The following UBR2 variants were observed in gnomAD, a reference collection of about 807,000 sequenced individuals.
UBR2 encodes E3 ubiquitin-protein ligase UBR2.
In UBR2, 92 loss-of-function variants were observed where a neutral mutation model predicts 247.9. The observed-to-expected ratio is 0.37, with a 90% CI of 0.31 to 0.44. The LOEUF is 0.44. Among genes scored for constraint, UBR2 ranks in the 20% least tolerant of loss-of-function variants. UBR2 has a pLI of 1.00. For synonymous variants in UBR2, 672 were observed against 693.5 expected (o/e 0.97, Z 0.49); for missense variants, 1,613 against 2,112.6 (o/e 0.76, Z 4.64).
chr6:42,656,945 A>G (rs894740026), intron 26 of UBR2, among the ~76,000 whole-genome samples: 3 of 152,106 alleles, frequency 2.0e-5, no homozygotes, highest in African/African-American at 7.2e-5. Flanking sequence ...ATAAAATATT[A>G]GGTTCTTGGC....
At chr6:42,593,174 A>T (rs542479091) in intron 3 of UBR2, among the ~76,000 whole-genome samples, 6 of 152,260 alleles carry the variant, frequency 3.9e-5, no homozygotes, top group Non-Finnish European at 5.9e-5. Flanking sequence ...ACTCCATCCC[A>T]AAATAAAAAA....
At chr6:42,633,339 A>G (rs1009809251) in intron 13 of UBR2, among the ~76,000 whole-genome samples, 2 of 152,130 alleles carry the variant, frequency 1.3e-5, no homozygotes, top group African/African-American at 4.8e-5. Context: ...AGGAGATCCC[A>G]GCAAACATTC....
Position 42,615,997 on chromosome 6 carries a change from A to T in UBR2, c.1094-5A>T. ...TTATCTTATACCGTGATCTTTTTCT[A>T]CAAGGTGCTAGGAGTGTATATCATC... On this transcript the variant is annotated splice_region_variant and splice_polypyrimidine_tract_variant and intron_variant, in intron 9 of 46. Transcript: ENST00000372901. The T allele has an allele frequency of 6.4e-7, 1 of 1,572,012 alleles. No individual in the cohort carries two copies. Among genetic ancestry groups the T allele is most frequent in the Non-Finnish European group, 8.6e-7 (1 of 1,164,032 alleles).
At chr6:42,650,945 T>G (rs1420379638) in intron 23 of UBR2, among the ~76,000 whole-genome samples, 1 of 152,114 alleles carries the variant, frequency 6.6e-6, no homozygotes, top group African/African-American at 2.4e-5. Flanking sequence ...AATTAAATTT[T>G]GCCTTTTTGG....
At chr6:42,684,970 A>G in intron 44 of UBR2, 99 bp downstream of exon 44, 1 of 1,017,796 alleles carries the variant, frequency 9.8e-7, no homozygotes, top group Non-Finnish European at 1.5e-6. Flanking sequence ...TTGGGTAGAG[A>G]AATCATATCT....
chr6:42,676,975 T>C, intron 40 of UBR2, 102 bp downstream of exon 40: 1 of 944,522 alleles, frequency 1.1e-6, no homozygotes. Flanking sequence ...TTGTTGTCTG[T>C]TGACATGTTT....
intron 44 of UBR2, 131 bp downstream of exon 44, chr6:42,685,002 G>A: frequency 1.4e-6 from 1 of 705,416 alleles, no homozygotes; most frequent in Non-Finnish European, 2.2e-6. Context: ...TGAGAGGAGA[G>A]GGAGAAAAAA....
Position 42,644,196 on chromosome 6 carries a change from A to T in UBR2, c.2098-18A>T. On this transcript the variant is annotated intron_variant, in intron 18 of 46. Transcript: ENST00000372901. ...CTTCCTCTTTTCCTTTATCTCAAACATTAAAAAAAAAAAAAAGACAGGTGT... is the reference window on the plus strand; with the variant it reads ...CTTCCTCTTTTCCTTTATCTCAAACTTTAAAAAAAAAAAAAAGACAGGTGT... 6.3e-7 allele frequency: 1 copy of T among 1,577,780 alleles called. No individual in the cohort carries two copies. The highest frequency in any genetic ancestry group is 1.4e-5 in the African/African-American group (1 of 71,738).
At chr6:42,675,728 G>C (rs1798684442) in intron 38 of UBR2, among the ~76,000 whole-genome samples, 2 of 152,192 alleles carry the variant, frequency 1.3e-5, no homozygotes, top group South Asian at 4.1e-4. Flanking sequence ...GGGAGGCCGA[G>C]GTGGGCGGAT....
intron 23 of UBR2, 30 bp from the exon 24 acceptor site, chr6:42,651,992 TC>T (rs780202161): frequency 3.2e-6 from 5 of 1,569,744 alleles, no homozygotes; most frequent in South Asian, 2.4e-5. Context: ...CATTACTAAT[TC>T]CCGGTCCAAA....
chr6:42,668,245 C>T (rs1401352059), intron 34 of UBR2, among the ~76,000 whole-genome samples: 3 of 152,106 alleles, frequency 2.0e-5, no homozygotes, highest in Non-Finnish European at 2.9e-5. Context: ...ACTCTTTTTG[C>T]AGATTCCTAA....
chr6:42,688,744 A>C (rs976899080), intron 45 of UBR2, among the ~76,000 whole-genome samples: 1 of 152,172 alleles, frequency 6.6e-6, no homozygotes, highest in African/African-American at 2.4e-5. Context: ...CCACTTATAC[A>C]TATTATCACA....
Position 42,564,295 on chromosome 6 carries a change from G to C in UBR2, c.-25G>C. 1.9e-6 allele frequency: 3 copies of C among 1,600,524 alleles called. No homozygotes were observed. The highest frequency in any genetic ancestry group is 2.6e-6 in the Non-Finnish European group (3 of 1,174,774). ...GGCTGCAGCTCTCCGGGCGGCGGTA[G>C]CGCTGGGGAGGAGGAGGAGAGAAGA... On this transcript the variant is annotated 5_prime_UTR_variant, in exon 1 of 47. Transcript: ENST00000372901.
rs567125221 is a variant in UBR2, at chr6:42,691,744, T to C, written c.*571T>C. 6.6e-6 allele frequency: 1 copy of C among 151,950 alleles called. No individual in the cohort carries two copies. Among genetic ancestry groups the C allele is most frequent in the Admixed American group, 6.6e-5 (1 of 15,226 alleles). The allele number at this position is 151,950 out of a possible 1,614,324, so 9.4% of individuals were successfully genotyped here. On this transcript the variant is annotated 3_prime_UTR_variant, in exon 47 of 47. Coordinates refer to ENST00000372901, the MANE Select transcript of UBR2 (RefSeq NM_001363705.2). Reference sequence around the variant, plus strand: ...AAGAAGCCCGTGGGGAGAAGGTGGATTCCTGGTGTGCTGGCTGGTTTTTCA... The same window carrying C: ...AAGAAGCCCGTGGGGAGAAGGTGGACTCCTGGTGTGCTGGCTGGTTTTTCA...
intron 5 of UBR2, 30 bp from the exon 6 acceptor site, chr6:42,605,691 A>G (rs746670673): frequency 4.4e-6 from 7 of 1,583,664 alleles, no homozygotes; most frequent in Non-Finnish European, 6.0e-6. Flanking sequence ...AAACAAATAG[A>G]TAATATATCA....
chr6:42,619,453 A>ATT lies in UBR2; in HGVS notation c.1281+1957_1281+1958dup, dbSNP rs1554251969. 105 of 23,832 alleles carry ATT rather than the reference A, an allele frequency of 4.4e-3. 16 individuals are homozygous for ATT. Among genetic ancestry groups the ATT allele is most frequent in the Middle Eastern group, 0.026 (1 of 38 alleles). The allele number at this position is 23,832 out of a possible 1,614,324, so 1.5% of individuals were successfully genotyped here. A position where few individuals can be genotyped will look rare whatever the true frequency, so the allele number is the denominator to read the frequency against. ...TATATATATATATATATATATATATATTTTTTTTTTTTAGTTCTCTATCTC... is the reference window on the plus strand; with the variant it reads ...TATATATATATATATATATATATATATTTTTTTTTTTTTTAGTTCTCTATCTC... On this transcript the variant is annotated intron_variant, in intron 11 of 46. Coordinates refer to ENST00000372901, the MANE Select transcript of UBR2 (RefSeq NM_001363705.2).
Position 42,644,277 on chromosome 6 carries a change from T to A in UBR2, c.2161T>A (p.Tyr721Asn). The change falls in exon 19 of 47, where the codon TAT becomes AAT. Residue 721 changes from tyrosine (Y) to asparagine (N), a missense_variant. This residue lies in a region of UBR2 where 1,524 missense variants were observed against 1,967.3 expected (regional missense o/e 0.77). Coordinates refer to ENST00000372901, the MANE Select transcript of UBR2 (RefSeq NM_001363705.2). ...GATCATGCTCAGCCGCTTTGAACTT[T>A]ATCAGATTTTCAGTACTCCAGACTA... ...LMIMLSRFEL[Y>N]QIFSTPDYGK... The A allele has an allele frequency of 6.2e-7, 1 of 1,613,722 alleles. No individual in the cohort carries two copies. The highest frequency in any genetic ancestry group is 8.5e-7 in the Non-Finnish European group (1 of 1,179,858).
At chr6:42,678,701 G>T (rs1218164450) in intron 41 of UBR2, 32 bp downstream of exon 41, 1 of 1,595,942 alleles carries the variant, frequency 6.3e-7, no homozygotes, top group Non-Finnish European at 8.5e-7. Flanking sequence ...AACGTAGGGA[G>T]AGTTAGTAAT....
Position 42,679,929 on chromosome 6 carries a change from G to A in UBR2, c.4718+97G>A. ...AGCAAAATTCTCAAGTAATGACCCT[G>A]GTAGAATTCAACACAAATAATTCAA... On this transcript the variant is annotated intron_variant, in intron 42 of 46. Transcript: ENST00000372901. 8.2e-6 allele frequency: 6 copies of A among 730,872 alleles called. No homozygotes were observed. The South Asian group carries it at 1.1e-4, about 14-fold the overall frequency. 45.3% of individuals were successfully genotyped at this position (730,872 alleles called of 1,614,324 possible). A position where few individuals can be genotyped will look rare whatever the true frequency, so the allele number is the denominator to read the frequency against.
Sources: allele counts gnomAD v4.1 joint callset (sites outside exome capture counted in the v4.1 genomes callset), GRCh38; gene constraint gnomAD v4.1.1; regional missense constraint gnomAD v4.1.1; transcripts MANE v1.5; gene names NCBI Gene and HGNC (gene_info 2026-07-23, HGNC 2026-07-21).